GBE1: variants seen among roughly 807,000 people sequenced by gnomAD.
The protein encoded by GBE1 is 1,4-alpha-glucan branching enzyme 1, also known as 1,4-alpha-glucan-branching enzyme.
In GBE1, 70 loss-of-function variants were observed where a neutral mutation model predicts 88.8. That is an observed-to-expected ratio of 0.79 (90% CI 0.65 to 0.96). The LOEUF (loss-of-function observed/expected upper bound fraction) is 0.96, where lower values mean the gene tolerates loss of function less well. GBE1 is among the 40% of genes least tolerant of loss of function. The pLI, the probability that GBE1 is intolerant of heterozygous loss-of-function variation, is 0.00. For synonymous variants in GBE1, 284 were observed against 300.1 expected (o/e 0.95, Z 0.56); for missense variants, 872 against 871.0 (o/e 1.00, Z -0.01).
intron 3 of GBE1, among the ~76,000 whole-genome samples, chr3:81,669,610 G>A (rs901801395): frequency 6.6e-6 from 1 of 151,354 alleles, no homozygotes; most frequent in Admixed American, 6.6e-5. Context: ...AGAATTGAGA[G>A]TATACAGGAG....
intron 1 of GBE1, among the ~76,000 whole-genome samples, chr3:81,728,432 A>G (rs949926780): frequency 6.6e-6 from 1 of 152,208 alleles, no homozygotes; most frequent in Admixed American, 6.5e-5. Context: ...TAACAGAGAT[A>G]GATAACAAAA....
chr3:81,513,442 A>G (rs1702751375), intron 14 of GBE1, among the ~76,000 whole-genome samples: 1 of 151,602 alleles, frequency 6.6e-6, no homozygotes, highest in East Asian at 1.9e-4. Context: ...ATCAAAAAAC[A>G]AAACACTATG....
At chr3:81,540,150 C>A (rs1703126543) in intron 12 of GBE1, among the ~76,000 whole-genome samples, 2 of 151,890 alleles carry the variant, frequency 1.3e-5, no homozygotes, top group Non-Finnish European at 2.9e-5. Flanking sequence ...AAAATAAAAT[C>A]ATAAATAAGA....
intron 1 of GBE1, among the ~76,000 whole-genome samples, chr3:81,707,162 CA>C (rs1388490480): frequency 6.6e-6 from 1 of 151,858 alleles, no homozygotes; most frequent in Non-Finnish European, 1.5e-5. Context: ...CAAACACACA[CA>C]AAATGTATCC....
intron 14 of GBE1, among the ~76,000 whole-genome samples, chr3:81,504,013 G>A (rs1451244462): frequency 6.6e-6 from 1 of 152,068 alleles, no homozygotes; most frequent in Non-Finnish European, 1.5e-5. Flanking sequence ...GAGCAAGAGA[G>A]AGCAAGGAGG....
chr3:81,619,912 G>A (rs904543577), intron 7 of GBE1, among the ~76,000 whole-genome samples: 4 of 151,032 alleles, frequency 2.6e-5, no homozygotes, highest in African/African-American at 9.7e-5. Flanking sequence ...ATCTCTTAGA[G>A]TAAAACCTTT....
Position 81,611,557 on chromosome 3 carries a change from T to C in GBE1, c.993-17534A>G, listed in dbSNP as rs151270360. On this transcript the variant is annotated intron_variant, in intron 7 of 15. Coordinates refer to ENST00000429644, the MANE Select transcript of GBE1 (RefSeq NM_000158.4). ...ATTCTAAACTCAATATAAAAAAGAA[T>C]TTTCTAATGGAGAGACCCGTCCAAA... Among the ~76,000 whole-genome samples the C allele has an allele frequency of 4.3e-3, 647 of 152,216 alleles. 6 individuals are homozygous for C. The highest frequency in any genetic ancestry group is 0.024 in the Middle Eastern group (7 of 292).
At chr3:81,605,655 A>G (rs1576167062) in intron 7 of GBE1, among the ~76,000 whole-genome samples, 1 of 152,212 alleles carries the variant, frequency 6.6e-6, no homozygotes, top group Middle Eastern at 3.4e-3. Flanking sequence ...TCCCTCAATA[A>G]CCCTCAAAGG....
At chr3:81,755,152 G>T (rs542343720) in intron 1 of GBE1, among the ~76,000 whole-genome samples, 1 of 151,902 alleles carries the variant, frequency 6.6e-6, no homozygotes, top group Non-Finnish European at 1.5e-5. Context: ...TAAAATGGGC[G>T]AAAGATCTGA....
At chr3:81,740,996 G>A (rs1054105181) in intron 1 of GBE1, among the ~76,000 whole-genome samples, 1 of 152,008 alleles carries the variant, frequency 6.6e-6, no homozygotes, top group Non-Finnish European at 1.5e-5. Context: ...AGAGCACAGA[G>A]CCAACATAAG....
At chr3:81,637,434 A>AT (rs1265450459) in intron 7 of GBE1, among the ~76,000 whole-genome samples, 1 of 152,164 alleles carries the variant, frequency 6.6e-6, no homozygotes, top group African/African-American at 2.4e-5. Context: ...GAAAGGAGTG[A>AT]TTTTTTTAAG....
At chr3:81,572,257 C>A (rs1559648917) in intron 12 of GBE1, among the ~76,000 whole-genome samples, 1 of 152,098 alleles carries the variant, frequency 6.6e-6, no homozygotes, top group Non-Finnish European at 1.5e-5. Context: ...AACCTCTTTC[C>A]TTTATAAATT....
intron 2 of GBE1, among the ~76,000 whole-genome samples, chr3:81,675,634 T>G (rs185655150): frequency 4.6e-5 from 7 of 152,178 alleles, no homozygotes; most frequent in Admixed American, 3.9e-4. Context: ...CATAGAAAAG[T>G]GATATTAAAC....
intron 2 of GBE1, among the ~76,000 whole-genome samples, chr3:81,694,344 A>T (rs1487019848): frequency 6.6e-6 from 1 of 152,244 alleles, no homozygotes; most frequent in Non-Finnish European, 1.5e-5. Flanking sequence ...AATAGTATGT[A>T]CAAATGTAGC....
At chr3:81,653,200 A>T (rs1002787011) in intron 3 of GBE1, among the ~76,000 whole-genome samples, 1 of 152,174 alleles carries the variant, frequency 6.6e-6, no homozygotes, top group Non-Finnish European at 1.5e-5. Context: ...ACAGTGGCTC[A>T]CACCTACAAT....
At chr3:81,535,056 T>G (rs536769365) in intron 14 of GBE1, 139 bp downstream of exon 14, 1 of 767,798 alleles carries the variant, frequency 1.3e-6, no homozygotes, top group East Asian at 2.8e-5. Context: ...TCAACTATTT[T>G]AAGTTCCTCA....
chr3:81,533,992 T>C (rs924229810), intron 14 of GBE1, among the ~76,000 whole-genome samples: 2 of 152,044 alleles, frequency 1.3e-5, no homozygotes, highest in East Asian at 1.9e-4. Flanking sequence ...GTTTTTATTA[T>C]GTGACAAATA....
intron 2 of GBE1, among the ~76,000 whole-genome samples, chr3:81,703,346 G>A (rs551577017): frequency 6.6e-6 from 1 of 151,752 alleles, no homozygotes; most frequent in Non-Finnish European, 1.5e-5. Flanking sequence ...CAGATCTCGT[G>A]GTCTTTTACA....
intron 2 of GBE1, among the ~76,000 whole-genome samples, chr3:81,698,368 G>T (rs1209458237): frequency 6.6e-6 from 1 of 151,936 alleles, no homozygotes; most frequent in East Asian, 1.9e-4. Context: ...CTCTGATAAG[G>T]ATTTTGTAGC....
Sources: allele counts gnomAD v4.1 joint callset (sites outside exome capture counted in the v4.1 genomes callset), GRCh38; gene constraint gnomAD v4.1.1; transcripts MANE v1.5; gene names NCBI Gene and HGNC (gene_info 2026-07-23, HGNC 2026-07-21).